The following NIBAN1 variants were observed in gnomAD, a reference collection of about 807,000 sequenced individuals.
NIBAN1 encodes the protein protein Niban 1.
Under a neutral mutation model 75.1 loss-of-function variants are expected in NIBAN1, and 81 were observed. The ratio of observed to expected loss-of-function variants is 1.08; its 90% CI spans 0.90 to 1.30. The LOEUF is 1.30. Among genes scored for constraint, NIBAN1 ranks in the 50% most tolerant of loss-of-function variants. The probability of loss-of-function intolerance (pLI) is 0.00; values close to 1 mark genes in which losing one functional copy is unlikely to be tolerated. For synonymous variants in NIBAN1, 436 were observed against 424.8 expected (o/e 1.03, Z -0.32); for missense variants, 1,133 against 1,128.1 (o/e 1.00, Z -0.06).
intron 11 of NIBAN1, among the ~76,000 whole-genome samples, chr1:184,804,867 C>A (rs111743918): frequency 1.1e-4 from 16 of 152,100 alleles, no homozygotes; most frequent in African/African-American, 3.4e-4. Context: ...CCGCTCACTG[C>A]AAGCTCCACC....
In NIBAN1 at chr1:184,794,658, CT is replaced by C; in HGVS notation, c.*318del. On this transcript the variant is annotated 3_prime_UTR_variant, in exon 14 of 14. Coordinates refer to ENST00000367511, the MANE Select transcript of NIBAN1 (RefSeq NM_052966.4). ...TGAAAAGTGCAGAGTATACTCAAAA[CT>C]GTCATCCTACTGTTTTCTCAGTCTT... The C allele has an allele frequency of 2.3e-6, 1 of 443,288 alleles. No homozygotes were observed. Among genetic ancestry groups the C allele is most frequent in the Non-Finnish European group, 4.2e-6 (1 of 240,372 alleles). The allele number at this position is 443,288 out of a possible 1,614,324, so 27.5% of individuals were successfully genotyped here.
At chr1:184,846,017 C>T (rs1162538623) in intron 5 of NIBAN1, among the ~76,000 whole-genome samples, 7 of 85,402 alleles carry the variant, frequency 8.2e-5, no homozygotes, top group African/African-American at 3.4e-4. Flanking sequence ...AGTCTGAGAT[C>T]AAACTGCAAG....
At chr1:184,798,448 C>T (rs1386262290) in intron 12 of NIBAN1, among the ~76,000 whole-genome samples, 1 of 152,216 alleles carries the variant, frequency 6.6e-6, no homozygotes, top group Non-Finnish European at 1.5e-5. Flanking sequence ...CTCACTCAGC[C>T]ATTGGTGGTT....
At chr1:184,924,002 A>C (rs925747807) in intron 1 of NIBAN1, among the ~76,000 whole-genome samples, 1 of 151,746 alleles carries the variant, frequency 6.6e-6, no homozygotes. Flanking sequence ...TCTAAAGATA[A>C]GATCATGTCA....
Position 184,793,226 on chromosome 1 carries a change from T to A in NIBAN1, c.*1751A>T, listed in dbSNP as rs1403866077. 6.6e-6 allele frequency: 1 copy of A among 152,188 alleles called. No individual in the cohort carries two copies. The highest frequency in any genetic ancestry group is 2.4e-5 in the African/African-American group (1 of 41,452). The allele number at this position is 152,188 out of a possible 1,614,324, so 9.4% of individuals were successfully genotyped here. ...ACATAAATTTACTCGATAGTGATGA[T>A]CTAAACAAGTTCTCAACAAATATGT... On this transcript the variant is annotated 3_prime_UTR_variant, in exon 14 of 14. Coordinates refer to ENST00000367511, the MANE Select transcript of NIBAN1 (RefSeq NM_052966.4).
At chr1:184,921,228 C>T (rs576951706) in intron 1 of NIBAN1, among the ~76,000 whole-genome samples, 3 of 151,962 alleles carry the variant, frequency 2.0e-5, no homozygotes, top group East Asian at 1.9e-4. Context: ...ACCCGGGAGG[C>T]GGAGGTGGCA....
chr1:184,911,525 G>A (rs1487540420), intron 1 of NIBAN1, among the ~76,000 whole-genome samples: 2 of 152,136 alleles, frequency 1.3e-5, no homozygotes, highest in Non-Finnish European at 2.9e-5. Context: ...CAATTAAGTT[G>A]CATCACTGTC....
chr1:184,966,666 C>T (rs1231068177), intron 1 of NIBAN1, among the ~76,000 whole-genome samples: 1 of 152,138 alleles, frequency 6.6e-6, no homozygotes. Flanking sequence ...TATGTCTTGA[C>T]CTGCGTAGTG....
At chr1:184,809,624 CAT>C (rs1180845805) in intron 9 of NIBAN1, among the ~76,000 whole-genome samples, 4 of 148,262 alleles carry the variant, frequency 2.7e-5, no homozygotes, top group Admixed American at 6.7e-5. Flanking sequence ...TATATATACA[CAT>C]ATATATGTGT....
At chr1:184,915,312 A>G (rs1411415257) in intron 1 of NIBAN1, among the ~76,000 whole-genome samples, 1 of 152,236 alleles carries the variant, frequency 6.6e-6, no homozygotes, top group Non-Finnish European at 1.5e-5. Flanking sequence ...AGTTTGTTAT[A>G]TTCAATAGCA....
chr1:184,951,897 G>A (rs917184620), intron 1 of NIBAN1, among the ~76,000 whole-genome samples: 10 of 151,992 alleles, frequency 6.6e-5, no homozygotes, highest in Admixed American at 3.9e-4. Flanking sequence ...TCATTCCTCC[G>A]TAACCACACT....
Position 184,823,188 on chromosome 1 carries a change from A to T in NIBAN1, c.964T>A (p.Tyr322Asn). ...DMDQIVNSKN[Y>N]LIGKIKAMVA... ...TGACCTTTGATCTTTCCAATTAAATAGTTCTTTGAGTTCACAATCTGATCC... is the reference window on the plus strand; with the variant it reads ...TGACCTTTGATCTTTCCAATTAAATTGTTCTTTGAGTTCACAATCTGATCC... Residue 322 changes from tyrosine (Y) to asparagine (N), a missense_variant, in exon 8 of 14, where the codon TAT (tyrosine) becomes AAT (asparagine). Tyr to Asn is a moderately radical substitution (Grantham distance 143, BLOSUM62 -2). Coordinates refer to ENST00000367511, the MANE Select transcript of NIBAN1 (RefSeq NM_052966.4). 1 of 1,614,224 alleles carries T rather than the reference A, an allele frequency of 6.2e-7. No homozygotes were observed. The highest frequency in any genetic ancestry group is 8.5e-7 in the Non-Finnish European group (1 of 1,180,024).
Position 184,906,325 on chromosome 1 carries a change from C to A in NIBAN1, c.56-7016G>T, listed in dbSNP as rs1269038941. ...CACACATTTGAAATTCAATTCATATCTGTTTATAAAATATCAGACTCTTGG... is the reference window on the plus strand; with the variant it reads ...CACACATTTGAAATTCAATTCATATATGTTTATAAAATATCAGACTCTTGG... On this transcript the variant is annotated intron_variant, in intron 1 of 13. Coordinates refer to ENST00000367511, the MANE Select transcript of NIBAN1 (RefSeq NM_052966.4). Among the ~76,000 whole-genome samples the A allele has an allele frequency of 2.0e-5, 3 of 151,510 alleles. No individual in the cohort carries two copies. The South Asian group carries it at 6.2e-4, about 32-fold the overall frequency.
intron 1 of NIBAN1, among the ~76,000 whole-genome samples, chr1:184,963,072 A>T (rs552007784): frequency 6.2e-4 from 95 of 152,218 alleles, no homozygotes; most frequent in African/African-American, 2.2e-3. Context: ...TAAGAAAAAA[A>T]TACATAAGCA....
chr1:184,870,949 C>T (rs6673017), intron 5 of NIBAN1, among the ~76,000 whole-genome samples: 10,239 of 152,128 alleles, frequency 0.067, 1,137 homozygotes, highest in African/African-American at 0.23. Flanking sequence ...CAGAAAGTGT[C>T]CTTGTTTGGA....
At chr1:184,814,097 T>C (rs1654460017) in intron 9 of NIBAN1, among the ~76,000 whole-genome samples, 1 of 152,236 alleles carries the variant, frequency 6.6e-6, no homozygotes, top group Non-Finnish European at 1.5e-5. Flanking sequence ...AGGATTGTTT[T>C]AAATTATACA....
chr1:184,800,154 A>G (rs1342336401), intron 12 of NIBAN1, among the ~76,000 whole-genome samples: 1 of 151,144 alleles, frequency 6.6e-6, no homozygotes, highest in African/African-American at 2.4e-5. Context: ...TTGGCTGCAT[A>G]AATGTCTTCT....
At chr1:184,887,204 G>A (rs1470062662) in intron 4 of NIBAN1, among the ~76,000 whole-genome samples, 6 of 152,100 alleles carry the variant, frequency 3.9e-5, no homozygotes, top group Admixed American at 6.6e-5. Flanking sequence ...CTGTTCCAGT[G>A]TCCTGGAATC....
At chr1:184,874,430 A>G (rs142614946) in intron 5 of NIBAN1, among the ~76,000 whole-genome samples, 3 of 152,202 alleles carry the variant, frequency 2.0e-5, no homozygotes, top group African/African-American at 7.2e-5. Context: ...AATGATACAC[A>G]TCATTTAAAG....
Sources: gnomAD v4.1 joint callset for allele counts (sites outside exome capture counted in the v4.1 genomes callset) on GRCh38, gnomAD v4.1.1 for gene constraint, MANE v1.5 for transcripts, NCBI Gene and HGNC (gene_info 2026-07-23, HGNC 2026-07-21) for gene names.